Variants in NEK1 observed in about 807,000 individuals in gnomAD.
The protein encoded by NEK1 is NIMA related kinase 1.
A neutral mutation model predicts 182.1 loss-of-function variants in NEK1; 137 were observed. That is an observed-to-expected ratio of 0.75 (90% CI 0.65 to 0.87). NEK1 has a LOEUF of 0.87. Ranked by LOEUF, NEK1 falls within the 40% of genes least tolerant of loss-of-function variation. NEK1 has a pLI of 0.00. For missense variants in NEK1, 1,391 were observed against 1,494.4 expected (o/e 0.93, Z 1.14); for synonymous variants, 513 against 492.2 (o/e 1.04, Z -0.56).
chr4:169,450,241 T>G (rs1285432621), intron 27 of NEK1, among the ~76,000 whole-genome samples: 1 of 152,086 alleles, frequency 6.6e-6, no homozygotes, highest in Non-Finnish European at 1.5e-5. Context: ...TGGAACCAAG[T>G]TGGAAAACAC....
intron 23 of NEK1, among the ~76,000 whole-genome samples, chr4:169,496,581 A>G (rs1751337322): frequency 6.6e-6 from 1 of 150,714 alleles, no homozygotes; most frequent in South Asian, 2.1e-4. Flanking sequence ...ACGTCCCATC[A>G]ATACATAATT....
rs1767269187 is a variant in NEK1, at chr4:169,584,897, A to G, written c.807+452T>C. On this transcript the variant is annotated intron_variant, in intron 10 of 35. Transcript: ENST00000507142. ...ACATTAAGAAAACAGTTATATAAGA[A>G]TGGAAAGGCTGGGCGAACTGGTTCA... 3.9e-5 allele frequency among the ~76,000 whole-genome samples: 6 copies of G among 152,294 alleles called. No homozygotes were observed. The South Asian group carries it at 1.2e-3, about 32-fold the overall frequency.
intron 23 of NEK1, among the ~76,000 whole-genome samples, chr4:169,494,880 G>A (rs2149628500): frequency 6.6e-6 from 1 of 152,250 alleles, no homozygotes; most frequent in Admixed American, 6.5e-5. Flanking sequence ...GTGTCTTTTG[G>A]CTGCAGAAAT....
At chr4:169,598,859 G>A (rs187009232) in intron 5 of NEK1, among the ~76,000 whole-genome samples, 58 of 152,232 alleles carry the variant, frequency 3.8e-4, no homozygotes, top group Admixed American at 1.2e-3. Flanking sequence ...ATACATAGAC[G>A]CATGATATAT....
intron 19 of NEK1, among the ~76,000 whole-genome samples, chr4:169,530,017 A>T (rs1580499446): frequency 6.6e-6 from 1 of 152,328 alleles, no homozygotes; most frequent in Non-Finnish European, 1.5e-5. Flanking sequence ...TACACTTACA[A>T]TATGACCCAG....
chr4:169,401,552 T>C (rs1731688116), intron 33 of NEK1, 100 bp downstream of exon 33: 1 of 938,798 alleles, frequency 1.1e-6, no homozygotes, highest in Admixed American at 2.4e-5. Context: ...CAGTTGTATT[T>C]AAAGTTGGAA....
At chr4:169,494,089 C>T (rs1486060733) in intron 23 of NEK1, among the ~76,000 whole-genome samples, 2 of 150,194 alleles carry the variant, frequency 1.3e-5, no homozygotes, top group Non-Finnish European at 3.0e-5. Context: ...AGACTCACAA[C>T]GGATTTCTTT....
chr4:169,577,496 G>A (rs192232095), intron 11 of NEK1, among the ~76,000 whole-genome samples: 122 of 152,166 alleles, frequency 8.0e-4, no homozygotes, highest in African/African-American at 2.8e-3. Context: ...GGCCAAGCGC[G>A]GTGGCTCACG....
chr4:169,443,364 C>A (rs1245422556), intron 27 of NEK1, among the ~76,000 whole-genome samples: 2 of 147,430 alleles, frequency 1.4e-5, no homozygotes, highest in Non-Finnish European at 1.5e-5. Flanking sequence ...CCCCCCCACC[C>A]ACCACAAAAT....
intron 11 of NEK1, among the ~76,000 whole-genome samples, chr4:169,578,822 C>T (rs376989689): frequency 4.6e-5 from 7 of 152,062 alleles, no homozygotes; most frequent in African/African-American, 1.4e-4. Context: ...GGATATACGA[C>T]GTGATAGGGT....
intron 4 of NEK1, among the ~76,000 whole-genome samples, chr4:169,600,308 G>A (rs992361315): frequency 7.2e-5 from 11 of 151,854 alleles, no homozygotes; most frequent in Admixed American, 7.2e-4. Context: ...TCCCACCTTA[G>A]CTTCCAGAGT....
intron 19 of NEK1, among the ~76,000 whole-genome samples, chr4:169,513,262 C>A (rs896127696): frequency 1.3e-4 from 20 of 152,096 alleles, no homozygotes; most frequent in Non-Finnish European, 2.5e-4. Context: ...AGATTTTTTT[C>A]ACCAGCATTT....
intron 27 of NEK1, among the ~76,000 whole-genome samples, chr4:169,455,432 T>C (rs1316903363): frequency 2.0e-5 from 3 of 151,698 alleles, no homozygotes; most frequent in Non-Finnish European, 2.9e-5. Context: ...AGATATTCTA[T>C]GCCAATAGAA....
intron 23 of NEK1, among the ~76,000 whole-genome samples, chr4:169,495,105 T>G (rs1420749170): frequency 6.6e-6 from 1 of 152,066 alleles, no homozygotes; most frequent in African/African-American, 2.4e-5. Flanking sequence ...TTAGATCCCA[T>G]TTGTCAATTT....
At chr4:169,399,892 TG>T (rs1296296612) in intron 35 of NEK1, among the ~76,000 whole-genome samples, 1 of 152,142 alleles carries the variant, frequency 6.6e-6, no homozygotes, top group Non-Finnish European at 1.5e-5. Context: ...CCCAAGTAGC[TG>T]GAATCACAAG....
chr4:169,450,944 T>C (rs1185215148), intron 27 of NEK1, among the ~76,000 whole-genome samples: 27 of 152,150 alleles, frequency 1.8e-4, no homozygotes, highest in Admixed American at 1.8e-3. Flanking sequence ...GAGGAAGATC[T>C]ACCAAGCAAA....
At chr4:169,480,642 G>A (rs1236590062) in intron 23 of NEK1, among the ~76,000 whole-genome samples, 1 of 151,900 alleles carries the variant, frequency 6.6e-6, no homozygotes, top group African/African-American at 2.4e-5. Flanking sequence ...TGGATGTTGG[G>A]GTGGCTATGA....
At chr4:169,506,962 A>G (rs1253202767) in intron 23 of NEK1, 75 bp downstream of exon 23, 2 of 907,836 alleles carry the variant, frequency 2.2e-6, no homozygotes, top group Non-Finnish European at 3.2e-6. Context: ...GAAAATTATA[A>G]TACTGATGTA....
At chr4:169,565,960 A>G (rs1763613749) in intron 12 of NEK1, among the ~76,000 whole-genome samples, 1 of 152,202 alleles carries the variant, frequency 6.6e-6, no homozygotes, top group Admixed American at 6.5e-5. Context: ...ACAGTATGTG[A>G]ATTATATCTC....
Sources: gnomAD v4.1 joint callset for allele counts (sites outside exome capture counted in the v4.1 genomes callset) on GRCh38, gnomAD v4.1.1 for gene constraint, MANE v1.5 for transcripts, NCBI Gene and HGNC (gene_info 2026-07-23, HGNC 2026-07-21) for gene names.